CAPN2: variants seen among roughly 807,000 people sequenced by gnomAD.
CAPN2 encodes the protein calpain-2 catalytic subunit.
CAPN2 carries 92 observed loss-of-function variants against 102.3 expected under a neutral mutation model. The observed-to-expected ratio is 0.90, with a 90% CI of 0.76 to 1.07. The LOEUF (loss-of-function observed/expected upper bound fraction) is 1.07. Among genes scored for constraint, CAPN2 ranks in the 50% least tolerant of loss-of-function variants. The pLI is 0.00. For missense variants in CAPN2, 800 were observed against 909.4 expected (o/e 0.88, Z 1.55); for synonymous variants, 340 against 355.4 (o/e 0.96, Z 0.49).
chr1:223,724,836 G>C (rs1156942226), intron 2 of CAPN2, among the ~76,000 whole-genome samples: 1 of 152,198 alleles, frequency 6.6e-6, no homozygotes, highest in Non-Finnish European at 1.5e-5. Context: ...AGCTGGGCAT[G>C]GTGGTGTGCA....
upstream of CAPN2, chr1:223,712,495 C>A: frequency 8.4e-7 from 1 of 1,192,736 alleles, no homozygotes; most frequent in South Asian, 4.0e-5. Flanking sequence ...GCGGGCCGGG[C>A]CGCTTCCCTC....
chr1:223,741,641 G>C (rs1660619928), intron 2 of CAPN2, among the ~76,000 whole-genome samples: 1 of 151,888 alleles, frequency 6.6e-6, no homozygotes, highest in Non-Finnish European at 1.5e-5. Context: ...TTTTAATAGA[G>C]ACGGGATTTC....
At chr1:223,711,918 C>T (rs1432666255), upstream of CAPN2, among the ~76,000 whole-genome samples, 1 of 152,186 alleles carries the variant, frequency 6.6e-6, no homozygotes, top group East Asian at 1.9e-4. Context: ...ATCTGACAAC[C>T]CTATCTATAA....
intron 2 of CAPN2, among the ~76,000 whole-genome samples, chr1:223,737,702 C>CGGGGGGG (rs1558066398): frequency 3.9e-4 from 3 of 7,612 alleles, no homozygotes; most frequent in African/African-American, 9.3e-4. Context: ...CCAAAAGAGA[C>CGGGGGGG]GGGGCGGGGG....
intron 1 of CAPN2, among the ~76,000 whole-genome samples, chr1:223,703,226 C>G (rs1054347285): frequency 6.6e-6 from 1 of 152,106 alleles, no homozygotes; most frequent in Non-Finnish European, 1.5e-5. Context: ...TCTCAGTTTT[C>G]TCATCTGTAA....
intron 2 of CAPN2, 79 bp downstream of exon 2, chr1:223,717,910 C>A: frequency 9.6e-7 from 1 of 1,043,932 alleles, no homozygotes; most frequent in South Asian, 1.3e-5. Context: ...CAACCTGTGG[C>A]TTCTCTCCCT....
intron 2 of CAPN2, among the ~76,000 whole-genome samples, chr1:223,723,677 A>G (rs1660117154): frequency 6.6e-6 from 1 of 152,034 alleles, no homozygotes; most frequent in Non-Finnish European, 1.5e-5. Context: ...CAGCTCATCA[A>G]CAGGTCCAGG....
In CAPN2 at chr1:223,775,338, C is replaced by T. The variant is rs1661590465; in HGVS notation, c.*481C>T. 6.2e-6 allele frequency: 1 copy of T among 160,636 alleles called. No homozygotes were observed. Among genetic ancestry groups the T allele is most frequent in the Non-Finnish European group, 1.4e-5 (1 of 73,536 alleles). The allele number at this position is 160,636 out of a possible 1,614,324, so 10.0% of individuals were successfully genotyped here. A position where few individuals can be genotyped will look rare whatever the true frequency, so the allele number is the denominator to read the frequency against. ...GTCCAAGATTACCATTTCCCATGAG[C>T]CAACTGGGAAACATGGTATATCATG... On this transcript the variant is annotated 3_prime_UTR_variant, in exon 21 of 21. Transcript: ENST00000295006.
chr1:223,709,999 G>C (rs375190238), upstream of CAPN2, among the ~76,000 whole-genome samples: 27 of 152,306 alleles, frequency 1.8e-4, no homozygotes, highest in African/African-American at 5.8e-4. Flanking sequence ...AAAGGGGCTC[G>C]TGTGGTGGCT....
At chr1:223,761,744 T>G in intron 13 of CAPN2, 127 bp downstream of exon 13, 2 of 783,514 alleles carry the variant, frequency 2.6e-6, no homozygotes, top group Non-Finnish European at 4.2e-6. Flanking sequence ...AGCCGGGTAC[T>G]GGGAATCCAA....
rs1353088012 is a variant in CAPN2 at position 223,702,236 on chromosome 1, G to A, written c.3+405G>A. Among the ~76,000 whole-genome samples, 5 of 151,930 alleles carry A rather than the reference G, an allele frequency of 3.3e-5. No individual in the cohort carries two copies. In the East Asian group the frequency reaches 9.7e-4, roughly 29 times the overall value. ...AGGTCAGGAGTTCAAGACCAGCCTG[G>A]CTAACATGGTAAAACCCTGTCTCTA... On this transcript the variant is annotated intron_variant, in intron 1 of 20. Transcript: ENST00000433674.
At chr1:223,719,326 C>T (rs2102776052) in intron 2 of CAPN2, among the ~76,000 whole-genome samples, 1 of 152,200 alleles carries the variant, frequency 6.6e-6, no homozygotes, top group East Asian at 1.9e-4. Flanking sequence ...CACCTGAGGT[C>T]AGGAGTTAGA....
chr1:223,712,649 C>A lies in CAPN2; in HGVS notation c.9C>A (p.Gly3=). Residue 3 remains glycine, a synonymous_variant, in exon 1 of 21, where the codon GGC becomes GGA. Coordinates refer to ENST00000295006, the MANE Select transcript of CAPN2 (RefSeq NM_001748.5). The part of the protein sequence containing the change: MA[G]IAAKLAKDRE... ...GCCGCCGGGACCGCAGCATGGCGGG[C>A]ATCGCGGCCAAGCTGGCGAAGGACC... is the stretch of plus-strand genomic sequence containing the variant. 6.5e-7 allele frequency: 1 copy of A among 1,529,882 alleles called. No individual in the cohort carries two copies. The highest frequency in any genetic ancestry group is 8.8e-7 in the Non-Finnish European group (1 of 1,138,762). 94.8% of individuals were successfully genotyped at this position (1,529,882 alleles called of 1,614,324 possible).
intron 1 of CAPN2, among the ~76,000 whole-genome samples, chr1:223,702,194 G>A (rs1411007334): frequency 6.6e-6 from 1 of 151,942 alleles, no homozygotes; most frequent in Non-Finnish European, 1.5e-5. Context: ...GGGAGGCCGA[G>A]GTGGGTGGAT....
chr1:223,750,423 A>G (rs950953241), intron 6 of CAPN2, among the ~76,000 whole-genome samples: 25 of 152,186 alleles, frequency 1.6e-4, no homozygotes, highest in African/African-American at 5.8e-4. Flanking sequence ...AGTGTCATCT[A>G]TTATAAAGTC....
chr1:223,751,192 A>G (rs1389867934), intron 7 of CAPN2, among the ~76,000 whole-genome samples: 1 of 152,120 alleles, frequency 6.6e-6, no homozygotes, highest in Non-Finnish European at 1.5e-5. Context: ...CCAGGCCCCA[A>G]GCTGCTCGTG....
chr1:223,764,583 A>T (rs1226524550), intron 15 of CAPN2, among the ~76,000 whole-genome samples: 5 of 152,168 alleles, frequency 3.3e-5, no homozygotes, highest in Non-Finnish European at 4.4e-5. Flanking sequence ...CCTCCCAAGT[A>T]GCTGGAATCA....
rs2102807277 is a variant in CAPN2, at chr1:223,756,957, A to G, written c.1306-412A>G. 6.6e-6 allele frequency among the ~76,000 whole-genome samples: 1 copy of G among 152,332 alleles called. No individual in the cohort carries two copies. Among genetic ancestry groups the G allele is most frequent in the Middle Eastern group, 3.4e-3 (1 of 294 alleles). On this transcript the variant is annotated intron_variant, in intron 10 of 20. Transcript: ENST00000295006. This position sits in a 1 kb window ranked among gnomAD's most constrained non-coding sequence, Gnocchi z 4.1. The stretch of plus-strand genomic sequence containing the variant: ...GCCAGAGAGGAGAGGGGACTTGCTC[A>G]AGGAAATGCAGACCGGACCACTGGA...
chr1:223,742,465 AT>A (rs1660640944), intron 2 of CAPN2, among the ~76,000 whole-genome samples: 1 of 147,256 alleles, frequency 6.8e-6, no homozygotes, highest in Admixed American at 6.9e-5. Flanking sequence ...ATATAACAAT[AT>A]TACATATATT....
Sources: gnomAD v4.1 joint callset for allele counts (sites outside exome capture counted in the v4.1 genomes callset) on GRCh38, gnomAD v4.1.1 for gene constraint, Gnocchi (gnomAD v3.1) non-coding constraint, MANE v1.5 for transcripts, NCBI Gene and HGNC (gene_info 2026-07-23, HGNC 2026-07-21) for gene names.